MED13L: variants seen among roughly 807,000 people sequenced by gnomAD.
The protein encoded by MED13L is mediator of RNA polymerase II transcription subunit 13-like.
Under a neutral mutation model 220.9 loss-of-function variants are expected in MED13L, and 7 were observed. The ratio of observed to expected loss-of-function variants is 0.03; its 90% CI spans 0.02 to 0.06. The LOEUF is 0.06. Ranked by LOEUF, MED13L falls within the 10% of genes least tolerant of loss-of-function variation. The pLI is 1.00. For missense variants in MED13L, 1,965 were observed against 2,760.5 expected, an observed-to-expected ratio of 0.71 and a Z score of 6.46; for synonymous variants, 1,011 against 1,015.2, an observed-to-expected ratio of 1.00 and a Z score of 0.08.
At chr12:116,135,943 G>A (rs1042003130) in intron 2 of MED13L, among the ~76,000 whole-genome samples, 2 of 145,248 alleles carry the variant, frequency 1.4e-5, no homozygotes, top group Admixed American at 7.0e-5. Flanking sequence ...TCACTCTGTT[G>A]CCCAGGCTGG....
intron 2 of MED13L, among the ~76,000 whole-genome samples, chr12:116,155,113 C>T (rs1216681207): frequency 6.6e-6 from 1 of 152,130 alleles, no homozygotes; most frequent in Non-Finnish European, 1.5e-5. Flanking sequence ...AGGCGTGAGC[C>T]ACCACCACCG....
chr12:116,185,563 G>C (rs759229290), intron 2 of MED13L, among the ~76,000 whole-genome samples: 1 of 151,878 alleles, frequency 6.6e-6, no homozygotes. Flanking sequence ...CAAAGCCCTC[G>C]GTAATCTGGT....
intron 2 of MED13L, among the ~76,000 whole-genome samples, chr12:116,151,391 A>C (rs1002107741): frequency 3.3e-5 from 5 of 152,206 alleles, no homozygotes; most frequent in Non-Finnish European, 4.4e-5. Context: ...TCAATGAAAA[A>C]GAAAATTATT....
intron 2 of MED13L, among the ~76,000 whole-genome samples, chr12:116,191,468 T>A (rs1204999725): frequency 1.3e-5 from 2 of 151,894 alleles, no homozygotes; most frequent in Non-Finnish European, 2.9e-5. Context: ...GTGGCTGGGA[T>A]TACAGGCGCC....
intron 2 of MED13L, among the ~76,000 whole-genome samples, chr12:116,154,399 T>C (rs895319743): frequency 2.6e-5 from 4 of 152,160 alleles, no homozygotes; most frequent in Non-Finnish European, 4.4e-5. Flanking sequence ...AATGAAAACA[T>C]AGATTCAACT....
Position 115,960,151 on chromosome 12 carries a change from T to C in MED13L, c.*1115A>G, listed in dbSNP as rs556179510. On this transcript the variant is annotated 3_prime_UTR_variant, in exon 31 of 31. Coordinates refer to ENST00000281928, the MANE Select transcript of MED13L (RefSeq NM_015335.5). Reference sequence around the variant, plus strand: ...CTAATTTAATGGTTAAGTTGTAATATTTCTTTGAAATAATATTCCTATGGT... The same window carrying C: ...CTAATTTAATGGTTAAGTTGTAATACTTCTTTGAAATAATATTCCTATGGT... 1 of 152,760 alleles carries C rather than the reference T, an allele frequency of 6.5e-6. No individual in the cohort carries two copies. The highest frequency in any genetic ancestry group is 2.1e-4 in the South Asian group (1 of 4,826). 9.5% of individuals were successfully genotyped at this position (152,760 alleles called of 1,614,324 possible).
At chr12:116,059,082 T>G (rs1459389317) in intron 4 of MED13L, among the ~76,000 whole-genome samples, 1 of 152,362 alleles carries the variant, frequency 6.6e-6, no homozygotes, top group Non-Finnish European at 1.5e-5. Context: ...TTCTTTTTTT[T>G]GTTAAGACAG....
chr12:116,007,279 G>A, intron 11 of MED13L, 132 bp downstream of exon 11: 2 of 804,520 alleles, frequency 2.5e-6, no homozygotes, highest in South Asian at 1.4e-5. Flanking sequence ...AGTACCAAGA[G>A]CATGAATATG....
intron 1 of MED13L, among the ~76,000 whole-genome samples, chr12:116,261,894 T>C (rs1467474596): frequency 2.0e-5 from 3 of 152,220 alleles, no homozygotes. Context: ...TTCTCACACC[T>C]AGACTGTTCT....
chr12:116,184,845 CTTAT>C (rs1417577645), intron 2 of MED13L, among the ~76,000 whole-genome samples: 2 of 152,130 alleles, frequency 1.3e-5, no homozygotes, highest in Non-Finnish European at 2.9e-5. Flanking sequence ...TAGGTTATGG[CTTAT>C]TTGACAATCA....
intron 4 of MED13L, among the ~76,000 whole-genome samples, chr12:116,094,766 A>G (rs1872520808): frequency 1.3e-5 from 2 of 152,328 alleles, no homozygotes; most frequent in South Asian, 4.1e-4. Flanking sequence ...GGGATAAAGC[A>G]CTCCATATTT....
intron 25 of MED13L, among the ~76,000 whole-genome samples, chr12:115,972,848 C>A (rs1237514891): frequency 6.6e-6 from 1 of 152,092 alleles, no homozygotes; most frequent in African/African-American, 2.4e-5. Flanking sequence ...CAAACAAAAG[C>A]ATTATACCTA....
At chr12:116,228,797 T>C (rs1869259578) in intron 2 of MED13L, among the ~76,000 whole-genome samples, 1 of 152,222 alleles carries the variant, frequency 6.6e-6, no homozygotes, top group African/African-American at 2.4e-5. Flanking sequence ...ATTCTACCAA[T>C]ATTTAAACCT....
chr12:116,151,486 T>C (rs1385613010), intron 2 of MED13L, among the ~76,000 whole-genome samples: 3 of 152,224 alleles, frequency 2.0e-5, no homozygotes, highest in Non-Finnish European at 4.4e-5. Context: ...ACTCCTTTGT[T>C]ACAGTGATTT....
At chr12:116,276,006 T>C (rs1407500928) in intron 1 of MED13L, among the ~76,000 whole-genome samples, 2 of 152,158 alleles carry the variant, frequency 1.3e-5, no homozygotes, top group East Asian at 3.8e-4. Flanking sequence ...TTTAACAACG[T>C]GAATGTTTTC....
intron 2 of MED13L, among the ~76,000 whole-genome samples, chr12:116,121,350 T>C (rs1875077231): frequency 6.6e-6 from 1 of 152,102 alleles, no homozygotes; most frequent in African/African-American, 2.4e-5. Context: ...ATAAGCTTAT[T>C]TGAAAGAAAA....
intron 30 of MED13L, chr12:115,962,583 G>A (rs970716802): frequency 6.6e-6 from 1 of 152,122 alleles, no homozygotes; most frequent in Non-Finnish European, 1.5e-5. Context: ...ATAATATATA[G>A]TTTCCTATCA....
chr12:116,197,115 A>C (rs982782026), intron 2 of MED13L, among the ~76,000 whole-genome samples: 1 of 152,170 alleles, frequency 6.6e-6, no homozygotes, highest in Admixed American at 6.6e-5. Context: ...ACTTTACTTT[A>C]GTCTAAGCCT....
chr12:116,053,025 A>G lies in MED13L; in HGVS notation c.480-30424T>C, dbSNP rs1309360431. Among the ~76,000 whole-genome samples, 4 of 152,236 alleles carry G rather than the reference A, an allele frequency of 2.6e-5. No homozygotes were observed. The East Asian group carries it at 7.7e-4, about 29-fold the overall frequency. ...AGACATTTTCTAGAAAATAAAATATATAATCCATTATTCCATTTATTATGC... is the reference window on the plus strand; with the variant it reads ...AGACATTTTCTAGAAAATAAAATATGTAATCCATTATTCCATTTATTATGC... On this transcript the variant is annotated intron_variant, in intron 4 of 30. Transcript: ENST00000281928.
Sources: gnomAD v4.1 joint callset for allele counts (sites outside exome capture counted in the v4.1 genomes callset) on GRCh38, gnomAD v4.1.1 for gene constraint, MANE v1.5 for transcripts, NCBI Gene and HGNC (gene_info 2026-07-23, HGNC 2026-07-21) for gene names.